Variants in CSGALNACT1 observed in about 807,000 individuals in gnomAD.
The protein encoded by CSGALNACT1 is chondroitin sulfate N-acetylgalactosaminyltransferase 1.
Under a neutral mutation model 51.0 loss-of-function variants are expected in CSGALNACT1, and 52 were observed. The observed-to-expected ratio is 1.02, with a 90% CI of 0.82 to 1.29. CSGALNACT1 has a LOEUF of 1.29. CSGALNACT1 is among the 50% of genes most tolerant of loss of function. The probability of loss-of-function intolerance (pLI) is 0.00; values close to 1 mark genes in which losing one functional copy is unlikely to be tolerated. For synonymous variants in CSGALNACT1, 341 were observed against 254.4 expected (o/e 1.34, Z -3.24); for missense variants, 935 against 679.2 (o/e 1.38, Z -4.19).
intron 1 of CSGALNACT1, among the ~76,000 whole-genome samples, chr8:19,650,329 G>T (rs2154183398): frequency 6.6e-6 from 1 of 152,330 alleles, no homozygotes; most frequent in South Asian, 2.1e-4. Context: ...CTTGAAAACT[G>T]TGAGCAGTGT....
chr8:19,705,975 G>A (rs992694311), intron 1 of CSGALNACT1, among the ~76,000 whole-genome samples: 1 of 151,888 alleles, frequency 6.6e-6, no homozygotes, highest in African/African-American at 2.4e-5. Context: ...CTGAATCCCC[G>A]AACCTCCCCT....
rs529726074 is a variant in CSGALNACT1 at position 19,407,293 on chromosome 8, T to G, written c.1310-1224A>C. On this transcript the variant is annotated intron_variant, in intron 9 of 9. Transcript: ENST00000454498. Reference sequence around the variant, plus strand: ...CAATCGTGGGTCTACCCCTCGTCCCTGATTTTAAAGTGAGTAGCTTTAGGT... The same window carrying G: ...CAATCGTGGGTCTACCCCTCGTCCCGGATTTTAAAGTGAGTAGCTTTAGGT... 3.3e-5 allele frequency among the ~76,000 whole-genome samples: 5 copies of G among 152,216 alleles called. No individual in the cohort carries two copies. In the East Asian group the frequency reaches 9.7e-4, roughly 30 times the overall value.
chr8:19,461,958 G>A (rs370184889), intron 4 of CSGALNACT1, among the ~76,000 whole-genome samples: 45 of 149,520 alleles, frequency 3.0e-4, no homozygotes, highest in African/African-American at 1.0e-3. Context: ...CACAGCAGCC[G>A]CATTCACCAT....
intron 1 of CSGALNACT1, among the ~76,000 whole-genome samples, chr8:19,626,586 A>G (rs1161389229): frequency 6.6e-6 from 1 of 152,210 alleles, no homozygotes; most frequent in Non-Finnish European, 1.5e-5. Context: ...AAAAATTTCA[A>G]TTCATTATAA....
chr8:19,448,775 C>T (rs1409059074), intron 5 of CSGALNACT1, among the ~76,000 whole-genome samples: 1 of 152,146 alleles, frequency 6.6e-6, no homozygotes, highest in Non-Finnish European at 1.5e-5. Flanking sequence ...CTCAAATGTT[C>T]AGGTATGTGA....
intron 4 of CSGALNACT1, among the ~76,000 whole-genome samples, chr8:19,492,838 G>C (rs1311648420): frequency 1.3e-5 from 2 of 152,154 alleles, no homozygotes; most frequent in Non-Finnish European, 2.9e-5. Flanking sequence ...ACTATGATCA[G>C]GAATAATATG....
At chr8:19,659,020 A>T (rs530373118) in intron 1 of CSGALNACT1, among the ~76,000 whole-genome samples, 2 of 152,266 alleles carry the variant, frequency 1.3e-5, no homozygotes, top group African/African-American at 4.8e-5. Flanking sequence ...TCATCTAAGT[A>T]ATGAAATCTC....
intron 1 of CSGALNACT1, among the ~76,000 whole-genome samples, chr8:19,742,145 C>T (rs75466392): frequency 0.014 from 2,118 of 152,276 alleles, 24 homozygotes; most frequent in Non-Finnish European, 0.02. Flanking sequence ...ACTGAGACAG[C>T]GCTTGGCACA....
chr8:19,665,835 G>C (rs2059136668), intron 1 of CSGALNACT1, among the ~76,000 whole-genome samples: 1 of 152,154 alleles, frequency 6.6e-6, no homozygotes, highest in African/African-American at 2.4e-5. Flanking sequence ...TACGTAAACA[G>C]AACACATTCT....
chr8:19,755,885 T>C (rs1210290337), intron 1 of CSGALNACT1, among the ~76,000 whole-genome samples: 2 of 152,246 alleles, frequency 1.3e-5, no homozygotes, highest in Admixed American at 6.5e-5. Flanking sequence ...GCAGACGAAT[T>C]ATTAAATATG....
At chr8:19,607,474 G>A (rs1052235385), upstream of CSGALNACT1, among the ~76,000 whole-genome samples, 4 of 152,268 alleles carry the variant, frequency 2.6e-5, no homozygotes, top group African/African-American at 7.2e-5. Context: ...ATGGACCTCC[G>A]TAAAAGAGCT....
chr8:19,734,330 T>G (rs78462915), intron 1 of CSGALNACT1, among the ~76,000 whole-genome samples: 1 of 152,320 alleles, frequency 6.6e-6, no homozygotes, highest in Non-Finnish European at 1.5e-5. Context: ...AAGCTGAGTC[T>G]CAGCCAATCA....
At chr8:19,438,271 C>T (rs890649074) in intron 6 of CSGALNACT1, among the ~76,000 whole-genome samples, 1 of 152,214 alleles carries the variant, frequency 6.6e-6, no homozygotes, top group Non-Finnish European at 1.5e-5. Flanking sequence ...CAATTGTTCT[C>T]AATTGTGGCT....
At chr8:19,448,204 A>G (rs978040992) in intron 5 of CSGALNACT1, among the ~76,000 whole-genome samples, 9 of 152,214 alleles carry the variant, frequency 5.9e-5, no homozygotes, top group Non-Finnish European at 1.0e-4. Flanking sequence ...TGTTTCTTGC[A>G]GTTAAGGATA....
chr8:19,509,138 C>A (rs967437741), intron 3 of CSGALNACT1, among the ~76,000 whole-genome samples: 3 of 152,198 alleles, frequency 2.0e-5, no homozygotes, highest in Non-Finnish European at 4.4e-5. Context: ...AAATTCCATT[C>A]TTTAACAGAC....
rs190136977 is a variant in CSGALNACT1, at chr8:19,553,582, C to G, written c.-297+37578G>C. On this transcript the variant is annotated intron_variant, in intron 3 of 9. Coordinates refer to ENST00000454498, the Ensembl canonical transcript of CSGALNACT1. ...CCATTTATATACAAAAAGCTCAAAC[C>G]ATATATATATATAAAAATACATTTA... is the stretch of plus-strand genomic sequence containing the variant. Among the ~76,000 whole-genome samples the G allele has an allele frequency of 1.3e-3, 168 of 131,410 alleles. 2 individuals carry two copies. The highest frequency in any genetic ancestry group is 4.3e-3 in the Middle Eastern group (1 of 230). 86.2% of individuals were successfully genotyped at this position (131,410 alleles called of 152,430 possible).
At chr8:19,509,581 C>A (rs1275619044) in intron 3 of CSGALNACT1, among the ~76,000 whole-genome samples, 2 of 139,024 alleles carry the variant, frequency 1.4e-5, no homozygotes, top group African/African-American at 5.4e-5. Flanking sequence ...GAGATTGCAC[C>A]ACTGCACTCC....
At chr8:19,662,496 T>C (rs534303198) in intron 1 of CSGALNACT1, among the ~76,000 whole-genome samples, 1 of 152,340 alleles carries the variant, frequency 6.6e-6, no homozygotes, top group South Asian at 2.1e-4. Flanking sequence ...AGGCTGATGT[T>C]TGGGTGAAAA....
chr8:19,682,849 C>T, upstream of CSGALNACT1: 1 of 402,908 alleles, frequency 2.5e-6, no homozygotes, highest in Non-Finnish European at 5.0e-6. Flanking sequence ...GGCCAGGACA[C>T]TGCAGTCAGC....
Sources: allele counts gnomAD v4.1 joint callset (sites outside exome capture counted in the v4.1 genomes callset), GRCh38; gene constraint gnomAD v4.1.1; transcripts MANE v1.5; gene names NCBI Gene and HGNC (gene_info 2026-07-23, HGNC 2026-07-21).